The following METTL24 variants were observed in gnomAD, a reference collection of about 807,000 sequenced individuals.
METTL24 encodes the protein methyltransferase like 24, also known as probable methyltransferase-like protein 24.
Under a neutral mutation model 32.7 loss-of-function variants are expected in METTL24, and 29 were observed. That is an observed-to-expected ratio of 0.89 (90% confidence interval 0.66 to 1.21). METTL24 has a LOEUF of 1.21. Ranked by LOEUF, METTL24 falls within the 50% of genes most tolerant of loss-of-function variation. The pLI is 0.00. For missense variants in METTL24, 439 were observed against 468.1 expected (o/e 0.94, Z 0.57); for synonymous variants, 163 against 179.5 (o/e 0.91, Z 0.73).
At chr6:110,313,464 G>A (rs1222062557) in intron 3 of METTL24, among the ~76,000 whole-genome samples, 1 of 152,022 alleles carries the variant, frequency 6.6e-6, no homozygotes, top group Non-Finnish European at 1.5e-5. Context: ...TGAAGTATAA[G>A]GAAAGCAAAA....
Position 110,244,970 on chromosome 6 carries a change from T to TTTATCTATCTATC in METTL24, c.*975_*976insGATAGATAGATAA, listed in dbSNP as rs142492216. On this transcript the variant is annotated 3_prime_UTR_variant, in exon 5 of 5. Coordinates refer to ENST00000338882, the MANE Select transcript of METTL24 (RefSeq NM_001123364.3). ...AAACATGCCAGTAGGAAAATCTATCTTATCTATCTATCTATCTATCTATCT... is the reference window on the plus strand; with the variant it reads ...AAACATGCCAGTAGGAAAATCTATCTTTATCTATCTATCTATCTATCTATCTATCTATCTATCT... Among the ~76,000 whole-genome samples, 37 of 150,084 alleles carry TTTATCTATCTATC rather than the reference T, an allele frequency of 2.5e-4. No individual in the cohort carries two copies. The highest frequency in any genetic ancestry group is 8.9e-4 in the African/African-American group (36 of 40,402).
intron 4 of METTL24, among the ~76,000 whole-genome samples, chr6:110,292,052 T>A (rs1188244998): frequency 6.6e-6 from 1 of 152,250 alleles, no homozygotes; most frequent in Non-Finnish European, 1.5e-5. Context: ...TCCACATCAG[T>A]ACATAAAAAT....
Position 110,244,970 on chromosome 6 carries a change from T to TTATC in METTL24, c.*972_*975dup, listed in dbSNP as rs34442447. On this transcript the variant is annotated 3_prime_UTR_variant, in exon 5 of 5. Transcript: ENST00000338882. ...AAACATGCCAGTAGGAAAATCTATC[T>TTATC]TATCTATCTATCTATCTATCTATCT... Among the ~76,000 whole-genome samples, 25,717 of 149,988 alleles carry TTATC rather than the reference T, an allele frequency of 0.17. 2,462 individuals are homozygous for TTATC. Among genetic ancestry groups the TTATC allele is most frequent in the African/African-American group, 0.26 (10,551 of 40,362 alleles).
Position 110,268,886 on chromosome 6 carries a change from C to G in METTL24, c.787-22626G>C, listed in dbSNP as rs184801399. The stretch of plus-strand genomic sequence containing the variant: ...TTCTGCTACACAGGGGTTCCTCCCT[C>G]TAACTCATCCCCTTCCACACCAAAA... On this transcript the variant is annotated intron_variant, in intron 4 of 4. Coordinates refer to ENST00000338882, the MANE Select transcript of METTL24 (RefSeq NM_001123364.3). Among the ~76,000 whole-genome samples the G allele has an allele frequency of 1.7e-4, 26 of 152,306 alleles. No homozygotes were observed. The East Asian group carries it at 4.4e-3, about 26-fold the overall frequency.
chr6:110,332,864 G>A (rs908761442), intron 1 of METTL24, among the ~76,000 whole-genome samples: 3 of 150,606 alleles, frequency 2.0e-5, no homozygotes, highest in African/African-American at 7.4e-5. Context: ...AGCTATGGTT[G>A]CAACACTGCA....
chr6:110,306,997 G>C (rs1554214747), intron 3 of METTL24, among the ~76,000 whole-genome samples: 1 of 152,184 alleles, frequency 6.6e-6, no homozygotes, highest in Non-Finnish European at 1.5e-5. Flanking sequence ...TCATTTCTAA[G>C]TCCGCAGTGC....
At chr6:110,279,563 A>G (rs1771103994) in intron 4 of METTL24, among the ~76,000 whole-genome samples, 1 of 152,226 alleles carries the variant, frequency 6.6e-6, no homozygotes, top group Non-Finnish European at 1.5e-5. Flanking sequence ...GTGGTTAAAT[A>G]ATGTACAATA....
chr6:110,316,521 G>A (rs150511653), intron 2 of METTL24, among the ~76,000 whole-genome samples: 63 of 152,310 alleles, frequency 4.1e-4, no homozygotes, highest in Non-Finnish European at 7.5e-4. Context: ...ACCACAGACC[G>A]CTCCAGATGC....
chr6:110,341,768 A>C (rs1772364001), intron 1 of METTL24, among the ~76,000 whole-genome samples: 2 of 152,238 alleles, frequency 1.3e-5, no homozygotes, highest in African/African-American at 4.8e-5. Flanking sequence ...TCAATCCAGT[A>C]ATTTAACCAG....
At chr6:110,292,910 G>T (rs1387078836) in intron 4 of METTL24, among the ~76,000 whole-genome samples, 1 of 151,876 alleles carries the variant, frequency 6.6e-6, no homozygotes, top group Non-Finnish European at 1.5e-5. Context: ...AACTCTGGAG[G>T]TATGTGGATT....
chr6:110,290,709 G>A (rs2114724768), intron 4 of METTL24, among the ~76,000 whole-genome samples: 1 of 152,244 alleles, frequency 6.6e-6, no homozygotes, highest in African/African-American at 2.4e-5. Flanking sequence ...GCAGACATAT[G>A]TTTTCAGTTA....
In METTL24 at chr6:110,337,235, C is replaced by A. The variant is rs548951718; in HGVS notation, c.319-14363G>T. On this transcript the variant is annotated intron_variant, in intron 1 of 4. Coordinates refer to ENST00000338882, the MANE Select transcript of METTL24 (RefSeq NM_001123364.3). ...GAGCTAAATGATGAGAACTCATAGGCACAAAGGAGGGAAGAGCAGACACTG... is the reference window on the plus strand; with the variant it reads ...GAGCTAAATGATGAGAACTCATAGGAACAAAGGAGGGAAGAGCAGACACTG... Among the ~76,000 whole-genome samples, 40 of 152,172 alleles carry A rather than the reference C, an allele frequency of 2.6e-4. 1 individual carries two copies. The South Asian group carries it at 7.9e-3, about 30-fold the overall frequency.
chr6:110,337,827 T>C (rs980489659), intron 1 of METTL24, among the ~76,000 whole-genome samples: 1 of 152,246 alleles, frequency 6.6e-6, no homozygotes, highest in Admixed American at 6.5e-5. Flanking sequence ...GCCTCTACTA[T>C]GTGCAAAATA....
At position 110,245,010 on chromosome 6, in the gene METTL24, T is replaced by C. The variant is rs552239293; in HGVS notation, c.*936A>G. On this transcript the variant is annotated 3_prime_UTR_variant, in exon 5 of 5. Transcript: ENST00000338882. ...TCTATCTATCTATCTATCATCTATCTATTTATCTACCTACCTACCTACAAT... is the reference window on the plus strand; with the variant it reads ...TCTATCTATCTATCTATCATCTATCCATTTATCTACCTACCTACCTACAAT... Among the ~76,000 whole-genome samples, 1 of 148,638 alleles carries C rather than the reference T, an allele frequency of 6.7e-6. No individual in the cohort carries two copies. Among genetic ancestry groups the C allele is most frequent in the African/African-American group, 2.5e-5 (1 of 40,148 alleles).
intron 4 of METTL24, among the ~76,000 whole-genome samples, chr6:110,270,938 A>G (rs761800089): frequency 6.6e-6 from 1 of 151,124 alleles, no homozygotes; most frequent in Non-Finnish European, 1.5e-5. Context: ...CCTGGGTTCA[A>G]GTGATTCTCC....
chr6:110,356,201 T>C (rs1772693625), intron 1 of METTL24, among the ~76,000 whole-genome samples: 1 of 152,096 alleles, frequency 6.6e-6, no homozygotes. Context: ...TCCAGCACTT[T>C]GGGGGATTGA....
intron 3 of METTL24, among the ~76,000 whole-genome samples, chr6:110,301,816 A>C (rs1400429311): frequency 1.3e-5 from 2 of 152,224 alleles, no homozygotes; most frequent in African/African-American, 4.8e-5. Context: ...TTGAAACTAC[A>C]AAGCATTTTT....
chr6:110,267,497 C>T (rs572261003), intron 4 of METTL24, among the ~76,000 whole-genome samples: 3 of 152,294 alleles, frequency 2.0e-5, no homozygotes, highest in African/African-American at 7.2e-5. Flanking sequence ...AGACAATTTA[C>T]TTGCAGAAAT....
At chr6:110,345,411 C>A (rs1188696643) in intron 1 of METTL24, among the ~76,000 whole-genome samples, 1 of 152,186 alleles carries the variant, frequency 6.6e-6, no homozygotes. Context: ...TTCAACGCAG[C>A]AAAACCATTA....
Sources: allele counts gnomAD v4.1 joint callset (sites outside exome capture counted in the v4.1 genomes callset), GRCh38; gene constraint gnomAD v4.1.1; transcripts MANE v1.5; gene names NCBI Gene and HGNC (gene_info 2026-07-23, HGNC 2026-07-21).